FHIT: variants seen among roughly 807,000 people sequenced by gnomAD.
The protein encoded by FHIT is bis(5'-adenosyl)-triphosphatase.
Under a neutral mutation model 17.9 loss-of-function variants are expected in FHIT, and 19 were observed. That is an observed-to-expected ratio of 1.06 (90% CI 0.74 to 1.56). The LOEUF is 1.56. FHIT is among the 40% of genes most tolerant of loss of function. The probability of loss-of-function intolerance (pLI) is 0.00; values close to 1 mark genes in which losing one functional copy is unlikely to be tolerated. For missense variants in FHIT, 248 were observed against 189.2 expected, an observed-to-expected ratio of 1.31 and a Z score of -1.82; for synonymous variants, 81 against 69.7, an observed-to-expected ratio of 1.16 and a Z score of -0.81.
chr3:60,367,614 C>A (rs1700161918), intron 5 of FHIT, among the ~76,000 whole-genome samples: 1 of 152,088 alleles, frequency 6.6e-6, no homozygotes, highest in African/African-American at 2.4e-5. Flanking sequence ...TATGCAAAGT[C>A]ATAATTAGCT....
At chr3:60,704,360 T>C (rs1385513665) in intron 4 of FHIT, among the ~76,000 whole-genome samples, 1 of 152,126 alleles carries the variant, frequency 6.6e-6, no homozygotes, top group African/African-American at 2.4e-5. Context: ...TTGACAAAAT[T>C]TTAAAAAGAA....
intron 1 of FHIT, among the ~76,000 whole-genome samples, chr3:61,224,851 T>G (rs1437285493): frequency 6.6e-6 from 1 of 152,176 alleles, no homozygotes; most frequent in South Asian, 2.1e-4. Flanking sequence ...ACAGTGTGGA[T>G]GGACACACAC....
intron 4 of FHIT, among the ~76,000 whole-genome samples, chr3:60,541,585 C>G (rs2036188299): frequency 1.3e-5 from 2 of 152,140 alleles, no homozygotes; most frequent in African/African-American, 4.8e-5. Flanking sequence ...ACACAGGACA[C>G]AAAATGAGCC....
At chr3:59,761,425 AT>A (rs1419574687) in intron 8 of FHIT, among the ~76,000 whole-genome samples, 1 of 152,130 alleles carries the variant, frequency 6.6e-6, no homozygotes, top group Non-Finnish European at 1.5e-5. Context: ...ACTGAACCCT[AT>A]GTATGCTCTC....
At chr3:60,447,707 C>T (rs556090428) in intron 5 of FHIT, among the ~76,000 whole-genome samples, 28 of 152,206 alleles carry the variant, frequency 1.8e-4, no homozygotes, top group African/African-American at 6.5e-4. Flanking sequence ...TATCAGGGAG[C>T]AAGATGGAGA....
Position 60,460,432 on chromosome 3 carries a change from T to C in FHIT, c.103+76428A>G, listed in dbSNP as rs554175024. Among the ~76,000 whole-genome samples the C allele has an allele frequency of 1.4e-4, 22 of 152,006 alleles. No individual in the cohort carries two copies. In the South Asian group the frequency reaches 3.1e-3, roughly 22 times the overall value. ...ATATTGGTTAAAAAAAAAAGAACCA[T>C]GAGGAAACATCAAGAACCAATATTA... On this transcript the variant is annotated intron_variant, in intron 5 of 9. Coordinates refer to ENST00000492590, the MANE Select transcript of FHIT (RefSeq NM_002012.4).
chr3:60,052,937 G>A (rs768303590), intron 5 of FHIT, among the ~76,000 whole-genome samples: 3 of 151,814 alleles, frequency 2.0e-5, no homozygotes, highest in Non-Finnish European at 2.9e-5. Context: ...AAACCTGCCA[G>A]CCCAAAGCAC....
At chr3:60,506,314 T>G (rs1423165068) in intron 5 of FHIT, among the ~76,000 whole-genome samples, 1 of 152,168 alleles carries the variant, frequency 6.6e-6, no homozygotes, top group African/African-American at 2.4e-5. Context: ...TAGCAACAAG[T>G]ATAAAGCTAA....
intron 5 of FHIT, among the ~76,000 whole-genome samples, chr3:60,209,627 A>G (rs1703357853): frequency 6.6e-6 from 1 of 152,204 alleles, no homozygotes; most frequent in South Asian, 2.1e-4. Flanking sequence ...TCAGCCAACA[A>G]GGAAAGTGAG....
At chr3:60,050,078 A>G (rs1437416505) in intron 5 of FHIT, among the ~76,000 whole-genome samples, 1 of 152,162 alleles carries the variant, frequency 6.6e-6, no homozygotes, top group Non-Finnish European at 1.5e-5. Context: ...CCCTTTCGTA[A>G]ACTGCCCATT....
intron 3 of FHIT, among the ~76,000 whole-genome samples, chr3:61,001,292 A>C (rs1001481598): frequency 3.9e-5 from 6 of 152,206 alleles, no homozygotes; most frequent in Non-Finnish European, 7.3e-5. Context: ...TATTACCCAG[A>C]AGTGGCACTC....
intron 5 of FHIT, among the ~76,000 whole-genome samples, chr3:60,113,240 A>G (rs923522705): frequency 3.9e-5 from 6 of 152,120 alleles, no homozygotes; most frequent in African/African-American, 1.4e-4. Context: ...TGTCTTTTTC[A>G]CGTCTGTATC....
intron 2 of FHIT, among the ~76,000 whole-genome samples, chr3:61,193,414 G>C (rs1183037138): frequency 1.3e-5 from 2 of 152,154 alleles, no homozygotes; most frequent in Non-Finnish European, 2.9e-5. Context: ...AGCCTTCTTT[G>C]CACAGATACA....
intron 5 of FHIT, among the ~76,000 whole-genome samples, chr3:60,426,743 C>G (rs1029350511): frequency 6.6e-5 from 10 of 152,218 alleles, no homozygotes; most frequent in African/African-American, 2.4e-4. Context: ...AGAATTTTGG[C>G]TTCGAGAAGT....
At chr3:60,980,651 G>A (rs1423793308) in intron 3 of FHIT, among the ~76,000 whole-genome samples, 1 of 152,150 alleles carries the variant, frequency 6.6e-6, no homozygotes, top group Non-Finnish European at 1.5e-5. Flanking sequence ...AAAGATGGGG[G>A]AATGGGGACA....
At chr3:60,986,855 A>G (rs562068167) in intron 3 of FHIT, among the ~76,000 whole-genome samples, 21 of 152,164 alleles carry the variant, frequency 1.4e-4, no homozygotes, top group Admixed American at 6.5e-4. Context: ...AATTCTTACC[A>G]TTCTTGTCTT....
intron 4 of FHIT, among the ~76,000 whole-genome samples, chr3:60,608,014 G>A (rs1190737559): frequency 6.6e-6 from 1 of 152,140 alleles, no homozygotes; most frequent in African/African-American, 2.4e-5. Context: ...CTCAATGAGT[G>A]AGGATTAAGG....
intron 5 of FHIT, among the ~76,000 whole-genome samples, chr3:60,418,980 C>T (rs1009294815): frequency 1.3e-5 from 2 of 152,070 alleles, no homozygotes; most frequent in African/African-American, 2.4e-5. Context: ...CTGGTTCTGC[C>T]TTTTTTAGCC....
chr3:61,202,005 CAT>C (rs1412988403), intron 1 of FHIT, among the ~76,000 whole-genome samples: 14 of 151,884 alleles, frequency 9.2e-5, no homozygotes, highest in Admixed American at 3.3e-4. Flanking sequence ...TATACACACA[CAT>C]GTACAAATAT....
Sources: allele counts gnomAD v4.1 joint callset (sites outside exome capture counted in the v4.1 genomes callset), GRCh38; gene constraint gnomAD v4.1.1; transcripts MANE v1.5; gene names NCBI Gene and HGNC (gene_info 2026-07-23, HGNC 2026-07-21).